Variants in SEMA6D observed in about 807,000 individuals in gnomAD.
The protein encoded by SEMA6D is semaphorin 6D, also known as semaphorin-6D.
In SEMA6D, 35 loss-of-function variants were observed where a neutral mutation model predicts 106.6. That is an observed-to-expected ratio of 0.33 (90% CI 0.25 to 0.44). The LOEUF is 0.44. SEMA6D is among the 20% of genes least tolerant of loss of function. The pLI, the probability that SEMA6D is intolerant of heterozygous loss-of-function variation, is 1.00. For missense variants in SEMA6D, 1,185 were observed against 1,345.9 expected (o/e 0.88, Z 1.87); for synonymous variants, 499 against 487.7 (o/e 1.02, Z -0.31).
chr15:47,478,758 A>G (rs1370465650), intron 3 of SEMA6D, among the ~76,000 whole-genome samples: 1 of 152,162 alleles, frequency 6.6e-6, no homozygotes. Context: ...TCAAGCTACT[A>G]ATAAAGACAT....
chr15:47,745,085 C>T (rs745829114), intron 1 of SEMA6D, among the ~76,000 whole-genome samples: 4 of 152,120 alleles, frequency 2.6e-5, no homozygotes, highest in Admixed American at 6.5e-5. Flanking sequence ...TTAACATCCC[C>T]CAAGGTGATT....
chr15:47,189,337 C>G (rs1004161707), intron 1 of SEMA6D, among the ~76,000 whole-genome samples: 2 of 152,150 alleles, frequency 1.3e-5, no homozygotes, highest in African/African-American at 4.8e-5. Context: ...CTAAGTACCA[C>G]ACTTAAATAC....
At chr15:47,251,907 ATTT>A (rs994788645) in intron 1 of SEMA6D, among the ~76,000 whole-genome samples, 1 of 81,996 alleles carries the variant, frequency 1.2e-5, no homozygotes, top group African/African-American at 5.4e-5. Flanking sequence ...TTCTAATTGG[ATTT>A]TTTTTTTTTT....
chr15:47,622,032 G>C (rs1443263583), intron 4 of SEMA6D, among the ~76,000 whole-genome samples: 4 of 152,180 alleles, frequency 2.6e-5, no homozygotes, highest in East Asian at 3.9e-4. Flanking sequence ...GGAAGTCCCT[G>C]GTGGCACTAC....
chr15:47,684,286 A>G (rs1334270002), intron 4 of SEMA6D, among the ~76,000 whole-genome samples: 2 of 152,160 alleles, frequency 1.3e-5, no homozygotes, highest in African/African-American at 2.4e-5. Flanking sequence ...ATTAACAACA[A>G]TAATAGCACC....
upstream of SEMA6D, among the ~76,000 whole-genome samples, chr15:47,716,255 T>C (rs1303266922): frequency 1.3e-5 from 2 of 152,208 alleles, no homozygotes; most frequent in African/African-American, 2.4e-5. Context: ...TTACACAGTG[T>C]TAACTAGGGA....
intron 3 of SEMA6D, among the ~76,000 whole-genome samples, chr15:47,575,612 G>A (rs551623830): frequency 3.1e-4 from 47 of 152,248 alleles, no homozygotes; most frequent in African/African-American, 1.0e-3. Flanking sequence ...CCATCTACCC[G>A]GGAGGCTGAG....
intron 1 of SEMA6D, among the ~76,000 whole-genome samples, chr15:47,319,765 G>T (rs954875314): frequency 2.0e-5 from 3 of 151,674 alleles, no homozygotes; most frequent in Non-Finnish European, 4.4e-5. Context: ...AAGCATGAGG[G>T]GATTATTTTT....
Position 47,504,320 on chromosome 15 carries a change from C to A in SEMA6D, c.-87+33775C>A, listed in dbSNP as rs186918433. Among the ~76,000 whole-genome samples the A allele has an allele frequency of 3.7e-4, 57 of 152,254 alleles. No homozygotes were observed. The East Asian group carries it at 8.7e-3, about 23-fold the overall frequency. ...GCTGGCTGCCTCTGTCCTCACCACC[C>A]CCACCTTGAGTGAGCAGCCCTGAGT... On this transcript the variant is annotated intron_variant, in intron 3 of 19. Transcript: ENST00000558014.
chr15:47,477,426 CATTAATCTGT>C (rs938916946), intron 3 of SEMA6D, among the ~76,000 whole-genome samples: 5 of 152,106 alleles, frequency 3.3e-5, no homozygotes, highest in African/African-American at 1.2e-4. Flanking sequence ...CAAGTGTTGC[CATTAATCTGT>C]AGCAGGGAAA....
intron 1 of SEMA6D, among the ~76,000 whole-genome samples, chr15:47,292,658 C>T (rs1366656866): frequency 1.3e-5 from 2 of 152,052 alleles, no homozygotes; most frequent in Non-Finnish European, 2.9e-5. Flanking sequence ...GATACACAGA[C>T]AAATAAACGT....
At chr15:47,663,529 A>G (rs1381247646) in intron 4 of SEMA6D, among the ~76,000 whole-genome samples, 3 of 152,180 alleles carry the variant, frequency 2.0e-5, no homozygotes, top group Non-Finnish European at 2.9e-5. Flanking sequence ...CTTGTAAACT[A>G]TTGCTAGTCC....
At chr15:47,394,053 T>G (rs921684950) in intron 1 of SEMA6D, among the ~76,000 whole-genome samples, 3 of 152,146 alleles carry the variant, frequency 2.0e-5, no homozygotes, top group African/African-American at 7.2e-5. Flanking sequence ...CCTACTCTCT[T>G]AATCAGTTTG....
Position 47,246,889 on chromosome 15 carries a change from C to G in SEMA6D, c.-239+62471C>G, listed in dbSNP as rs1221001002. On this transcript the variant is annotated intron_variant, in intron 1 of 19. Transcript: ENST00000558014. ...TTTCCTCGTGAGGCACATAGCAGGA[C>G]AGAGAGGGAGAAAACGGGTCTGGGT... 5.3e-5 allele frequency among the ~76,000 whole-genome samples: 8 copies of G among 152,248 alleles called. No individual in the cohort carries two copies. In the East Asian group the frequency reaches 1.5e-3, roughly 29 times the overall value.
chr15:47,624,081 C>T (rs1178615285), intron 4 of SEMA6D, among the ~76,000 whole-genome samples: 1 of 152,164 alleles, frequency 6.6e-6, no homozygotes, highest in Non-Finnish European at 1.5e-5. Flanking sequence ...TTCAGAACTG[C>T]CGTCCGTACC....
chr15:47,545,389 G>A (rs2045489505), intron 3 of SEMA6D, among the ~76,000 whole-genome samples: 1 of 152,136 alleles, frequency 6.6e-6, no homozygotes, highest in African/African-American at 2.4e-5. Context: ...TACTAAGGTT[G>A]TTGGTTGTCT....
intron 3 of SEMA6D, among the ~76,000 whole-genome samples, chr15:47,536,400 G>T (rs1231432465): frequency 6.6e-6 from 1 of 152,166 alleles, no homozygotes; most frequent in East Asian, 1.9e-4. Flanking sequence ...AAGAGGAAAG[G>T]GTATCCATTC....
At chr15:47,718,223 C>T (rs2079204427) in intron 1 of SEMA6D, among the ~76,000 whole-genome samples, 1 of 152,242 alleles carries the variant, frequency 6.6e-6, no homozygotes, top group South Asian at 2.1e-4. Flanking sequence ...GGCTTAGCCG[C>T]CCCCTCCCGC....
intron 1 of SEMA6D, among the ~76,000 whole-genome samples, chr15:47,389,961 C>T (rs1209155895): frequency 6.6e-6 from 1 of 152,220 alleles, no homozygotes; most frequent in East Asian, 1.9e-4. Flanking sequence ...CATTTTCTAT[C>T]ACTCCCTACT....
Sources: allele counts gnomAD v4.1 joint callset (sites outside exome capture counted in the v4.1 genomes callset), GRCh38; gene constraint gnomAD v4.1.1; transcripts MANE v1.5; gene names NCBI Gene and HGNC (gene_info 2026-07-23, HGNC 2026-07-21).